Variants in PATJ observed in about 807,000 individuals in gnomAD.
PATJ encodes inaD-like protein.
PATJ carries 190 observed loss-of-function variants against 224.9 expected under a neutral mutation model. That is an observed-to-expected ratio of 0.84 (90% CI 0.75 to 0.95). The LOEUF (loss-of-function observed/expected upper bound fraction) is 0.95. Ranked by LOEUF, PATJ falls within the 40% of genes least tolerant of loss-of-function variation. PATJ has a pLI of 0.00. For missense variants in PATJ, 2,121 were observed against 2,270.3 expected (o/e 0.93, Z 1.34); for synonymous variants, 769 against 820.3 (o/e 0.94, Z 1.07).
Position 62,162,396 on chromosome 1 carries a change from G to C in PATJ, c.*1342G>C, listed in dbSNP as rs988929431. The C allele has an allele frequency of 6.6e-6, 1 of 152,242 alleles. No homozygotes were observed. Among genetic ancestry groups the C allele is most frequent in the East Asian group, 1.9e-4 (1 of 5,200 alleles). 9.4% of individuals were successfully genotyped at this position (152,242 alleles called of 1,614,324 possible). ...AGTAGTCAGGCCAGCAGCATGGACT[G>C]CAAGAACCTAAGGGAGCAACATACT... On this transcript the variant is annotated 3_prime_UTR_variant, in exon 44 of 44. Coordinates refer to ENST00000642238, the MANE Select transcript of PATJ (RefSeq NM_001350145.3).
At chr1:61,783,745 C>CTTTTTTTTTTT (rs11372619) in intron 7 of PATJ, among the ~76,000 whole-genome samples, 1 of 117,892 alleles carries the variant, frequency 8.5e-6, no homozygotes, top group Non-Finnish European at 1.6e-5. Context: ...AGAGTTGCTA[C>CTTTTTTTTTTT]TTTTTTTTTT....
At chr1:61,774,608 C>T (rs1245501359) in intron 6 of PATJ, among the ~76,000 whole-genome samples, 1 of 152,166 alleles carries the variant, frequency 6.6e-6, no homozygotes. Flanking sequence ...TCTTCTAAAC[C>T]TTTAACTATT....
intron 42 of PATJ, among the ~76,000 whole-genome samples, chr1:62,153,131 T>G (rs751103512): frequency 1.2e-4 from 19 of 152,202 alleles, no homozygotes; most frequent in Admixed American, 3.3e-4. Flanking sequence ...TCAGTGAGTT[T>G]TATGAAAGAG....
chr1:61,892,098 C>T (rs997082614), intron 22 of PATJ, among the ~76,000 whole-genome samples: 4 of 152,172 alleles, frequency 2.6e-5, no homozygotes, highest in African/African-American at 9.7e-5. Context: ...TCTGCAACTT[C>T]AAAATCATGG....
intron 7 of PATJ, among the ~76,000 whole-genome samples, chr1:61,779,201 A>T (rs1457606433): frequency 6.6e-6 from 1 of 152,214 alleles, no homozygotes; most frequent in East Asian, 1.9e-4. Context: ...TGATTACTTT[A>T]AAAAAGATAT....
At chr1:62,095,152 A>G (rs1308260394) in intron 33 of PATJ, among the ~76,000 whole-genome samples, 2 of 152,218 alleles carry the variant, frequency 1.3e-5, no homozygotes, top group Non-Finnish European at 2.9e-5. Context: ...ATCGTGACCC[A>G]TGGTGGGAAA....
intron 27 of PATJ, among the ~76,000 whole-genome samples, chr1:61,954,075 A>G (rs1680092629): frequency 6.6e-6 from 1 of 152,198 alleles, no homozygotes; most frequent in Admixed American, 6.5e-5. Context: ...AAATGGACAC[A>G]TATTTATGTG....
At chr1:61,968,275 C>T (rs1022538659) in intron 27 of PATJ, among the ~76,000 whole-genome samples, 2 of 152,216 alleles carry the variant, frequency 1.3e-5, no homozygotes, top group South Asian at 2.1e-4. Context: ...TTCTTTCATT[C>T]GGTGGCTTTT....
chr1:61,951,193 A>G lies in PATJ; in HGVS notation c.3670+23364A>G, dbSNP rs544954020. Among the ~76,000 whole-genome samples the G allele has an allele frequency of 8.7e-3, 1,316 of 150,678 alleles. 7 individuals are homozygous for G. The highest frequency in any genetic ancestry group is 0.017 in the Middle Eastern group (5 of 288). On this transcript the variant is annotated intron_variant, in intron 27 of 43. Coordinates refer to ENST00000642238, the MANE Select transcript of PATJ (RefSeq NM_001350145.3). ...AACTCTGTCTAAAAAAAAAAAAAGG[A>G]AAAAAAAAGTTATTTAGTAGAATTT...
At chr1:61,924,893 G>C (rs1347417141) in intron 26 of PATJ, among the ~76,000 whole-genome samples, 1 of 152,066 alleles carries the variant, frequency 6.6e-6, no homozygotes, top group Non-Finnish European at 1.5e-5. Flanking sequence ...TTTCCAGTAG[G>C]ACCCAAGACA....
At chr1:62,129,761 T>C (rs1418559894) in intron 41 of PATJ, among the ~76,000 whole-genome samples, 1 of 151,796 alleles carries the variant, frequency 6.6e-6, no homozygotes, top group African/African-American at 2.4e-5. Context: ...GACAACATGG[T>C]GAAACCCCGT....
At chr1:61,746,946 G>C (rs1645053039) in intron 1 of PATJ, among the ~76,000 whole-genome samples, 1 of 152,184 alleles carries the variant, frequency 6.6e-6, no homozygotes, top group Non-Finnish European at 1.5e-5. Context: ...CAATGACTCA[G>C]CATTTTCTAG....
chr1:62,029,874 C>G (rs1291879152), intron 29 of PATJ, among the ~76,000 whole-genome samples: 1 of 152,144 alleles, frequency 6.6e-6, no homozygotes, highest in Non-Finnish European at 1.5e-5. Context: ...AGAAGTTCTC[C>G]AGCAACTACA....
At chr1:61,928,849 A>T (rs1675609187) in intron 27 of PATJ, among the ~76,000 whole-genome samples, 1 of 152,142 alleles carries the variant, frequency 6.6e-6, no homozygotes, top group Non-Finnish European at 1.5e-5. Context: ...TAAGCTGATT[A>T]TAAAAACTTG....
chr1:61,861,664 C>T lies in PATJ; in HGVS notation c.2436C>T (p.Pro812=), dbSNP rs761916731. The T allele has an allele frequency of 6.2e-6, 8 of 1,297,874 alleles. No homozygotes were observed. In the South Asian group the frequency reaches 1.1e-4, roughly 18 times the overall value. The allele number at this position is 1,297,874 out of a possible 1,614,324, so 80.4% of individuals were successfully genotyped here. The part of the protein sequence containing the change: ...DINSSLILEA[P]KGFRDEPYFK... ...ATTCATCTTTAATACTCGAAGCACC[C>T]AAGGTATTTAATAAATTTATTTCCC... Residue 812 remains proline (P), a synonymous_variant, in exon 19 of 44, where the codon CCC becomes CCT. Coordinates refer to ENST00000642238, the MANE Select transcript of PATJ (RefSeq NM_001350145.3).
At chr1:61,785,536 T>C (rs1392311488) in intron 7 of PATJ, among the ~76,000 whole-genome samples, 2 of 152,236 alleles carry the variant, frequency 1.3e-5, no homozygotes, top group Non-Finnish European at 2.9e-5. Flanking sequence ...TTGAAAGTTG[T>C]CCTTCTCTAA....
At chr1:61,930,148 C>G (rs1326544208) in intron 27 of PATJ, among the ~76,000 whole-genome samples, 1 of 152,070 alleles carries the variant, frequency 6.6e-6, no homozygotes, top group African/African-American at 2.4e-5. Context: ...ATTTTGCTTC[C>G]TAATTTTTTT....
intron 20 of PATJ, among the ~76,000 whole-genome samples, chr1:61,866,712 C>T (rs76811653): frequency 0.019 from 2,943 of 152,096 alleles, 115 homozygotes; most frequent in African/African-American, 0.067. Context: ...GATCCAGATG[C>T]CAAGAGAGGG....
Position 61,784,579 on chromosome 1 carries a change from G to C in PATJ, c.850-3175G>C, listed in dbSNP as rs141901698. On this transcript the variant is annotated intron_variant, in intron 7 of 43. Transcript: ENST00000642238. Reference sequence around the variant, plus strand: ...TAAAATAGAAGAAAAATAATGCCTAGGAAGTGACTAAAAATATACTTTATG... The same window carrying C: ...TAAAATAGAAGAAAAATAATGCCTACGAAGTGACTAAAAATATACTTTATG... Among the ~76,000 whole-genome samples, 173 of 152,266 alleles carry C rather than the reference G, an allele frequency of 1.1e-3. 9 individuals are homozygous for C. In the East Asian group the frequency reaches 0.024, roughly 22 times the overall value.
Sources: allele counts gnomAD v4.1 joint callset (sites outside exome capture counted in the v4.1 genomes callset), GRCh38; gene constraint gnomAD v4.1.1; transcripts MANE v1.5; gene names NCBI Gene and HGNC (gene_info 2026-07-23, HGNC 2026-07-21).